The following MALRD1 variants were observed in gnomAD, a reference collection of about 807,000 sequenced individuals.
The protein encoded by MALRD1 is MAM and LDL-receptor class A domain-containing protein 1.
MALRD1 carries 247 observed loss-of-function variants against 242.1 expected under a neutral mutation model. The ratio of observed to expected loss-of-function variants is 1.02; its 90% CI spans 0.92 to 1.13. MALRD1 has a LOEUF of 1.13. Among genes scored for constraint, MALRD1 ranks in the 50% most tolerant of loss-of-function variants. The pLI is 0.00. For missense variants in MALRD1, 2,989 were observed against 2,533.1 expected, an observed-to-expected ratio of 1.18 and a Z score of -3.86; for synonymous variants, 995 against 866.6, an observed-to-expected ratio of 1.15 and a Z score of -2.60.
intron 10 of MALRD1, among the ~76,000 whole-genome samples, chr10:19,143,466 C>T (rs1564420109): frequency 6.6e-6 from 1 of 152,122 alleles, no homozygotes; most frequent in African/African-American, 2.4e-5. Context: ...ACTTGTATAG[C>T]AATGCATAAT....
chr10:19,452,200 G>A (rs1024925280), intron 29 of MALRD1, among the ~76,000 whole-genome samples: 1 of 152,160 alleles, frequency 6.6e-6, no homozygotes, highest in Non-Finnish European at 1.5e-5. Context: ...CCTCTCAAGG[G>A]AAGCAGAATG....
At chr10:19,097,612 T>G (rs1288002494) in intron 4 of MALRD1, among the ~76,000 whole-genome samples, 9 of 152,210 alleles carry the variant, frequency 5.9e-5, no homozygotes, top group Non-Finnish European at 7.3e-5. Context: ...GAGGCATTAG[T>G]ACCAGAGTGA....
At chr10:19,605,439 A>T in intron 34 of MALRD1, among the ~76,000 whole-genome samples, 1 of 147,676 alleles carries the variant, frequency 6.8e-6, no homozygotes, top group East Asian at 2.1e-4. Flanking sequence ...AAGTGCTGGG[A>T]TTACAGGCGT....
In MALRD1 at chr10:19,331,460, C is replaced by T. The variant is rs1843366763; in HGVS notation, c.3779C>T (p.Pro1260Leu). The T allele has an allele frequency of 2.6e-6, 4 of 1,550,420 alleles. No individual in the cohort carries two copies. The highest frequency in any genetic ancestry group is 3.5e-6 in the Non-Finnish European group (4 of 1,146,854). Residue 1260 changes from proline (P) to leucine (L), a missense_variant, in exon 24 of 40, where the codon CCA becomes CTA. Pro to Leu is a moderately conservative substitution (Grantham distance 98). Transcript: ENST00000454679. ...CAAGATTGCTCCCCTTTGCTTAGCCCAGAGAGAAAGTGTACTGATCATGAA... is the reference window on the plus strand; with the variant it reads ...CAAGATTGCTCCCCTTTGCTTAGCCTAGAGAGAAAGTGTACTGATCATGAA... The part of the protein sequence containing the change: ...SFQDCSPLLS[P>L]ERKCTDHEFM...
At position 19,347,858 on chromosome 10, in the gene MALRD1, C is replaced by G; in HGVS notation, c.3989C>G (p.Ala1330Gly). ...KDEDFDWNLK[A>G]SSIPAAGTEP... ...GAGGACTTTGACTGGAACCTGAAAG[C>G]TAGCAGCATCCCTGCAGCAGGCACA... Residue 1330 changes from alanine (A) to glycine (G), a missense_variant, in exon 25 of 40, where the codon GCT becomes GGT. Ala to Gly is a moderately conservative substitution (Grantham distance 60, BLOSUM62 0). Transcript: ENST00000454679. 2 of 1,550,374 alleles carry G rather than the reference C, an allele frequency of 1.3e-6. No homozygotes were observed. Among genetic ancestry groups the G allele is most frequent in the South Asian group, 2.4e-5 (2 of 84,056 alleles).
At chr10:19,435,155 C>G (rs778527998) in intron 28 of MALRD1, among the ~76,000 whole-genome samples, 1 of 149,298 alleles carries the variant, frequency 6.7e-6, no homozygotes, top group Non-Finnish European at 1.5e-5. Context: ...TTTATAATAT[C>G]CTATTTATAT....
chr10:19,447,565 T>G (rs2131023249), intron 28 of MALRD1, among the ~76,000 whole-genome samples: 1 of 152,332 alleles, frequency 6.6e-6, no homozygotes, highest in Middle Eastern at 3.4e-3. Flanking sequence ...GATCGTATGC[T>G]CTTCTTTGAT....
chr10:19,675,933 G>T (rs1475115011), intron 36 of MALRD1, among the ~76,000 whole-genome samples: 1 of 152,200 alleles, frequency 6.6e-6, no homozygotes, highest in Non-Finnish European at 1.5e-5. Context: ...TAAAGCACAG[G>T]TACAAAGAAA....
At chr10:19,532,747 G>A (rs111719917) in intron 32 of MALRD1, among the ~76,000 whole-genome samples, 3,897 of 151,742 alleles carry the variant, frequency 0.026, 82 homozygotes, top group African/African-American at 0.057. Context: ...TCCTGACTCT[G>A]TGTCTGTTTT....
intron 32 of MALRD1, among the ~76,000 whole-genome samples, chr10:19,563,711 C>A (rs1405633607): frequency 6.6e-6 from 1 of 152,190 alleles, no homozygotes; most frequent in African/African-American, 2.4e-5. Context: ...AACTCCTAAT[C>A]ATTGTCTTTC....
chr10:19,507,157 G>A (rs1041666984), intron 31 of MALRD1, among the ~76,000 whole-genome samples: 2 of 151,958 alleles, frequency 1.3e-5, no homozygotes, highest in Admixed American at 6.6e-5. Context: ...GAGCCATAAG[G>A]GAGGGATCTT....
At chr10:19,515,839 A>G (rs1833604130) in intron 31 of MALRD1, among the ~76,000 whole-genome samples, 1 of 152,138 alleles carries the variant, frequency 6.6e-6, no homozygotes. Flanking sequence ...AAGAGCTCGG[A>G]TTACAGGCGT....
At chr10:19,542,750 C>G (rs1357963543) in intron 32 of MALRD1, among the ~76,000 whole-genome samples, 2 of 152,104 alleles carry the variant, frequency 1.3e-5, no homozygotes, top group African/African-American at 4.8e-5. Flanking sequence ...CCATAATCTT[C>G]TCTATCCTTA....
chr10:19,512,621 C>T (rs1194199322), intron 31 of MALRD1, among the ~76,000 whole-genome samples: 2 of 152,130 alleles, frequency 1.3e-5, no homozygotes, highest in African/African-American at 2.4e-5. Context: ...TCTGTCTAAC[C>T]AGGAAACATA....
At chr10:19,418,722 C>T (rs1833604990) in intron 28 of MALRD1, among the ~76,000 whole-genome samples, 1 of 152,170 alleles carries the variant, frequency 6.6e-6, no homozygotes, top group Non-Finnish European at 1.5e-5. Context: ...ATCTCTTTAT[C>T]TGCCAATGGA....
At chr10:19,602,772 C>G (rs1838422603) in intron 34 of MALRD1, among the ~76,000 whole-genome samples, 1 of 152,160 alleles carries the variant, frequency 6.6e-6, no homozygotes, top group Non-Finnish European at 1.5e-5. Context: ...AATCACCACA[C>G]TGTCTTCCAC....
chr10:19,621,982 G>A (rs532975848), intron 36 of MALRD1, among the ~76,000 whole-genome samples: 4 of 151,872 alleles, frequency 2.6e-5, no homozygotes, highest in Admixed American at 6.6e-5. Flanking sequence ...TTTAAAAAGA[G>A]GCACTATGGA....
chr10:19,365,190 A>T (rs1845053555), intron 26 of MALRD1, among the ~76,000 whole-genome samples: 1 of 152,088 alleles, frequency 6.6e-6, no homozygotes, highest in Admixed American at 6.6e-5. Context: ...AAATTTTTAG[A>T]TCTAGTTTTC....
intron 5 of MALRD1, among the ~76,000 whole-genome samples, chr10:19,122,428 A>G (rs538212816): frequency 7.2e-5 from 11 of 152,208 alleles, no homozygotes; most frequent in African/African-American, 2.4e-4. Flanking sequence ...ATAAGAAGAG[A>G]TCAAGAAACT....
Sources: gnomAD v4.1 joint callset for allele counts (sites outside exome capture counted in the v4.1 genomes callset) on GRCh38, gnomAD v4.1.1 for gene constraint, MANE v1.5 for transcripts, NCBI Gene and HGNC (gene_info 2026-07-23, HGNC 2026-07-21) for gene names.